DAB2IP: variants seen among roughly 807,000 people sequenced by gnomAD.
DAB2IP encodes the protein disabled homolog 2-interacting protein.
In DAB2IP, 28 loss-of-function variants were observed where a neutral mutation model predicts 107.2. That is an observed-to-expected ratio of 0.26 (90% CI 0.19 to 0.36). DAB2IP has a LOEUF of 0.36. Ranked by LOEUF, DAB2IP falls within the 10% of genes least tolerant of loss-of-function variation. The probability of loss-of-function intolerance (pLI) is 1.00; values close to 1 mark genes in which losing one functional copy is unlikely to be tolerated. For synonymous variants in DAB2IP, 755 were observed against 706.4 expected, an observed-to-expected ratio of 1.07 and a Z score of -1.09; for missense variants, 1,400 against 1,644.7, an observed-to-expected ratio of 0.85 and a Z score of 2.57.
rs950496116 is a variant in DAB2IP at position 121,663,078 on chromosome 9, A to G, written c.124+11179A>G. ...CATCCTTGGAGTGTTCAGGAAATCCAGAGATTTTTGGAAGGCTGGGAATTC... is the reference window on the plus strand; with the variant it reads ...CATCCTTGGAGTGTTCAGGAAATCCGGAGATTTTTGGAAGGCTGGGAATTC... On this transcript the variant is annotated intron_variant, in intron 1 of 15. Transcript: ENST00000408936. 5.9e-5 allele frequency among the ~76,000 whole-genome samples: 9 copies of G among 152,204 alleles called. No individual in the cohort carries two copies. In the South Asian group the frequency reaches 1.2e-3, roughly 21 times the overall value.
At chr9:121,615,474 A>G (rs765361573) in intron 1 of DAB2IP, among the ~76,000 whole-genome samples, 8 of 152,194 alleles carry the variant, frequency 5.3e-5, no homozygotes, top group Non-Finnish European at 1.0e-4. Context: ...ACCAAAGCCC[A>G]GAGAACTCAG....
chr9:121,768,578 G>A (rs774832244), exon 10 of DAB2IP: 15 of 1,614,132 alleles, frequency 9.3e-6, no homozygotes, highest in Admixed American at 1.7e-5. Flanking sequence ...GACCTGGGCC[G>A]CGAGCTCTCC....
chr9:121,652,698 G>A (rs1204121298), intron 1 of DAB2IP, among the ~76,000 whole-genome samples: 2 of 152,132 alleles, frequency 1.3e-5, no homozygotes, highest in South Asian at 2.1e-4. Context: ...GACCTGGGCC[G>A]AGTTGACACC....
At position 121,651,754 on chromosome 9, in the gene DAB2IP, C is replaced by T. The variant is rs1234570191; in HGVS notation, c.-22C>T. 3.8e-6 allele frequency: 5 copies of T among 1,322,488 alleles called. No homozygotes were observed. Among genetic ancestry groups the T allele is most frequent in the Non-Finnish European group, 3.9e-6 (4 of 1,031,386 alleles). 81.9% of individuals were successfully genotyped at this position (1,322,488 alleles called of 1,614,324 possible). A position where few individuals can be genotyped will look rare whatever the true frequency, so the allele number is the denominator to read the frequency against. On this transcript the variant is annotated 5_prime_UTR_variant, in exon 1 of 16. Coordinates refer to ENST00000408936, the Ensembl canonical transcript of DAB2IP. The surrounding 1 kb of genome is among the most constrained non-coding windows in gnomAD (Gnocchi z 5.1). ...CCGTGTGAGCGCGCCCAGGCCCGGC[C>T]CGGTGCCCGGCGGGCGGCAGCATGT...
At chr9:121,569,366 G>A (rs143035648) in intron 1 of DAB2IP, among the ~76,000 whole-genome samples, 26 of 152,356 alleles carry the variant, frequency 1.7e-4, no homozygotes, top group South Asian at 6.2e-4. Flanking sequence ...AAGTCAAGGC[G>A]TGTGGAAGCC....
At chr9:121,571,957 G>T (rs923184217) in intron 1 of DAB2IP, among the ~76,000 whole-genome samples, 2 of 147,916 alleles carry the variant, frequency 1.4e-5, no homozygotes, top group Non-Finnish European at 3.0e-5. Context: ...ATTGGCCTTA[G>T]TTTCCCTAGG....
In DAB2IP at chr9:121,580,310, G is replaced by T. The variant is rs930787330; in HGVS notation, c.40+13082G>T. Among the ~76,000 whole-genome samples, 5 of 152,312 alleles carry T rather than the reference G, an allele frequency of 3.3e-5. No homozygotes were observed. The East Asian group carries it at 7.7e-4, about 24-fold the overall frequency. ...GGAAGAGCTTAGAACAGGCACTCAA[G>T]GCTACAGTGACATCCCAGGGTGGAG... is the stretch of plus-strand genomic sequence containing the variant. On this transcript the variant is annotated intron_variant, in intron 1 of 16. Coordinates refer to the DAB2IP transcript ENST00000259371.
Position 121,782,281 on chromosome 9 carries a change from C to T in DAB2IP, c.3403-50C>T. On this transcript the variant is annotated intron_variant, in intron 15 of 15. Coordinates refer to ENST00000408936, the Ensembl canonical transcript of DAB2IP. The surrounding 1 kb of genome is among the most constrained non-coding windows in gnomAD (Gnocchi z 6.1). ...CGATGCTTGTCGTAGGTATACACAG[C>T]CCTAAGGAGCCTGTCCCATGACCCC... The T allele has an allele frequency of 6.3e-7, 1 of 1,593,250 alleles. No individual in the cohort carries two copies. The highest frequency in any genetic ancestry group is 8.6e-7 in the Non-Finnish European group (1 of 1,166,572).
chr9:121,648,931 G>A (rs1832640044), upstream of DAB2IP, among the ~76,000 whole-genome samples: 1 of 152,192 alleles, frequency 6.6e-6, no homozygotes, highest in Admixed American at 6.5e-5. Context: ...AAAGCCACAG[G>A]GGCGCCGGCG....
At chr9:121,585,034 A>G (rs1282014684) in intron 1 of DAB2IP, among the ~76,000 whole-genome samples, 2 of 152,166 alleles carry the variant, frequency 1.3e-5, no homozygotes. Context: ...TCTGCTGAGT[A>G]GCTTGGACTA....
At chr9:121,641,275 T>G (rs1339050146) in intron 1 of DAB2IP, among the ~76,000 whole-genome samples, 1 of 152,182 alleles carries the variant, frequency 6.6e-6, no homozygotes, top group Non-Finnish European at 1.5e-5. Context: ...CCAAGGGGAT[T>G]TGAGGAATGA....
Position 121,698,722 on chromosome 9 carries a change from T to G in DAB2IP, c.229-603T>G, listed in dbSNP as rs886630362. ...ATCGGGGTCTAAGTGGCCAGGGCAC[T>G]GCCAGGCGCAGGCCAGCCGGCGCCT... is the stretch of plus-strand genomic sequence containing the variant. On this transcript the variant is annotated intron_variant, in intron 2 of 15. Coordinates refer to ENST00000408936, the Ensembl canonical transcript of DAB2IP. This position sits in a 1 kb window ranked among gnomAD's most constrained non-coding sequence, Gnocchi z 4.1. Among the ~76,000 whole-genome samples the G allele has an allele frequency of 3.3e-5, 5 of 152,204 alleles. No individual in the cohort carries two copies. The highest frequency in any genetic ancestry group is 7.3e-5 in the Non-Finnish European group (5 of 68,028).
At chr9:121,692,335 G>A (rs2118693093) in intron 2 of DAB2IP, among the ~76,000 whole-genome samples, 1 of 152,280 alleles carries the variant, frequency 6.6e-6, no homozygotes, top group South Asian at 2.1e-4. Context: ...ATGTGTGGTG[G>A]CACTGGGGTA....
Position 121,776,189 on chromosome 9 carries a change from T to C in DAB2IP, c.3121-9T>C, listed in dbSNP as rs778316089. ...GGTGCTGTGCCCGTGGACGCTGCCC[T>C]CCTGGTAGGACCTGGCGGTGCTGCA... On this transcript the variant is annotated splice_polypyrimidine_tract_variant and intron_variant, in intron 13 of 15. Transcript: ENST00000408936. This position sits in a 1 kb window ranked among gnomAD's most constrained non-coding sequence, Gnocchi z 5.4. 2.9e-5 allele frequency: 46 copies of C among 1,567,060 alleles called. No individual in the cohort carries two copies. Among genetic ancestry groups the C allele is most frequent in the Non-Finnish European group, 3.9e-5 (45 of 1,156,108 alleles).
At chr9:121,631,541 G>A (rs1028510670) in intron 1 of DAB2IP, among the ~76,000 whole-genome samples, 3 of 152,220 alleles carry the variant, frequency 2.0e-5, no homozygotes, top group East Asian at 3.9e-4. Context: ...CTTGCGGCCC[G>A]ACGCGGTGGC....
chr9:121,581,218 G>T (rs1183754499), intron 1 of DAB2IP, among the ~76,000 whole-genome samples: 2 of 152,144 alleles, frequency 1.3e-5, no homozygotes, highest in African/African-American at 4.8e-5. Flanking sequence ...CCTAGCCCAA[G>T]GAGGGAGGCC....
In DAB2IP at chr9:121,687,947, G is replaced by A. The variant is rs563963796; in HGVS notation, c.228+9166G>A. Among the ~76,000 whole-genome samples the A allele has an allele frequency of 2.2e-4, 34 of 152,246 alleles. No homozygotes were observed. In the South Asian group the frequency reaches 5.8e-3, roughly 26 times the overall value. On this transcript the variant is annotated intron_variant, in intron 2 of 15. Transcript: ENST00000408936. ...GGAGGTGCATTGTCCTGGGCCACAC[G>A]GCTTGCAGGGACAGAGCTGAGATTT...
intron 1 of DAB2IP, among the ~76,000 whole-genome samples, chr9:121,613,926 G>A (rs1462323971): frequency 4.7e-4 from 72 of 152,340 alleles, no homozygotes; most frequent in Non-Finnish European, 2.4e-4. Flanking sequence ...CAGCTTGATA[G>A]TGTTGATGGT....
chr9:121,579,377 G>C (rs1277757834), intron 1 of DAB2IP, among the ~76,000 whole-genome samples: 1 of 152,044 alleles, frequency 6.6e-6, no homozygotes, highest in Non-Finnish European at 1.5e-5. Flanking sequence ...CCTCTCGCCT[G>C]TCTCTTCATC....
Sources: allele counts gnomAD v4.1 joint callset (sites outside exome capture counted in the v4.1 genomes callset), GRCh38; gene constraint gnomAD v4.1.1; non-coding constraint Gnocchi (gnomAD v3.1); transcripts MANE v1.5; gene names NCBI Gene and HGNC (gene_info 2026-07-23, HGNC 2026-07-21).